Variants in USP34 observed in about 807,000 individuals in gnomAD.
USP34 encodes ubiquitin carboxyl-terminal hydrolase 34.
A neutral mutation model predicts 460.3 loss-of-function variants in USP34; 70 were observed. The ratio of observed to expected loss-of-function variants is 0.15; its 90% confidence interval spans 0.13 to 0.19. The LOEUF is 0.19. Among genes scored for constraint, USP34 ranks in the 10% least tolerant of loss-of-function variants. USP34 has a pLI of 1.00. For missense variants in USP34, 3,985 were observed against 4,236.2 expected (o/e 0.94, Z 1.65); for synonymous variants, 1,647 against 1,405.3 (o/e 1.17, Z -3.85).
At chr2:61,371,781 T>C (rs1221127915) in intron 8 of USP34, among the ~76,000 whole-genome samples, 1 of 152,202 alleles carries the variant, frequency 6.6e-6, no homozygotes, top group East Asian at 1.9e-4. Context: ...CCATTCTTGG[T>C]AAGCGTCCTA....
intron 30 of USP34, among the ~76,000 whole-genome samples, chr2:61,296,480 A>T (rs6545854): frequency 0.029 from 4,413 of 152,248 alleles, 221 homozygotes; most frequent in African/African-American, 0.1. Context: ...ATTTTCTCTA[A>T]ACATTACTTT....
chr2:61,198,725 C>T (rs986992466), intron 75 of USP34, among the ~76,000 whole-genome samples: 23 of 151,938 alleles, frequency 1.5e-4, no homozygotes, highest in African/African-American at 5.3e-4. Flanking sequence ...AAAAATTAGC[C>T]GGGTGTGGTG....
chr2:61,240,445 AT>A (rs1178334663), intron 53 of USP34, among the ~76,000 whole-genome samples: 10 of 152,076 alleles, frequency 6.6e-5, no homozygotes, highest in Non-Finnish European at 1.3e-4. Flanking sequence ...TGCCCAGCTA[AT>A]TCTTTGTATT....
At chr2:61,369,695 T>A (rs1692553184) in intron 10 of USP34, among the ~76,000 whole-genome samples, 1 of 128,824 alleles carries the variant, frequency 7.8e-6, no homozygotes, top group African/African-American at 2.9e-5. Flanking sequence ...TTAAACACTA[T>A]ACAGTTTTAC....
chr2:61,440,364 G>A (rs1281339902), intron 1 of USP34, among the ~76,000 whole-genome samples: 3 of 152,120 alleles, frequency 2.0e-5, no homozygotes, highest in African/African-American at 7.2e-5. Context: ...GCAGGTCAAT[G>A]GCTGCTGTAT....
intron 3 of USP34, among the ~76,000 whole-genome samples, chr2:61,404,639 A>C (rs1693816261): frequency 6.6e-6 from 1 of 152,128 alleles, no homozygotes. Flanking sequence ...AACAGCCACT[A>C]CCAACTGCCA....
At chr2:61,237,324 T>C (rs1688096783) in intron 53 of USP34, among the ~76,000 whole-genome samples, 1 of 152,160 alleles carries the variant, frequency 6.6e-6, no homozygotes, top group Non-Finnish European at 1.5e-5. Context: ...AAACTCTGGA[T>C]TCCAGCCATG....
intron 23 of USP34, among the ~76,000 whole-genome samples, 195 bp from the exon 24 acceptor site, chr2:61,315,169 A>G (rs1054576002): frequency 6.6e-6 from 1 of 152,238 alleles, no homozygotes; most frequent in African/African-American, 2.4e-5. Context: ...TATACAGCAG[A>G]TAACAATATA....
intron 33 of USP34, among the ~76,000 whole-genome samples, chr2:61,290,314 T>C (rs775659548): frequency 5.3e-5 from 8 of 152,136 alleles, no homozygotes; most frequent in Non-Finnish European, 8.8e-5. Context: ...ACTTACCATA[T>C]TATTTAGCAA....
chr2:61,445,153 C>T (rs1573049101), intron 1 of USP34, among the ~76,000 whole-genome samples: 1 of 138,992 alleles, frequency 7.2e-6, no homozygotes, highest in South Asian at 2.2e-4. Flanking sequence ...TTGTCAACAG[C>T]AGAACCACAC....
intron 8 of USP34, among the ~76,000 whole-genome samples, chr2:61,375,839 TG>T (rs1303730204): frequency 1.3e-5 from 2 of 150,396 alleles, no homozygotes; most frequent in Non-Finnish European, 3.0e-5. Context: ...TGATCAAGTG[TG>T]GTATATCTAT....
intron 10 of USP34, among the ~76,000 whole-genome samples, chr2:61,355,364 C>T (rs1012764096): frequency 1.3e-5 from 2 of 152,100 alleles, no homozygotes; most frequent in Non-Finnish European, 2.9e-5. Context: ...TTATTTTCCA[C>T]ATGATTTAAA....
chr2:61,282,313 A>AT (rs1306208268), intron 37 of USP34, among the ~76,000 whole-genome samples: 5 of 152,212 alleles, frequency 3.3e-5, no homozygotes, highest in Admixed American at 1.3e-4. Context: ...CAGGTTTAAA[A>AT]AATAAGTGAC....
At chr2:61,255,905 C>T (rs1688712374) in intron 48 of USP34, among the ~76,000 whole-genome samples, 1 of 152,172 alleles carries the variant, frequency 6.6e-6, no homozygotes, top group Admixed American at 6.5e-5. Flanking sequence ...GGCAAGAATA[C>T]TGAGCTTCAT....
intron 72 of USP34, among the ~76,000 whole-genome samples, chr2:61,204,922 T>C (rs569071612): frequency 3.3e-5 from 5 of 152,100 alleles, no homozygotes; most frequent in Non-Finnish European, 7.4e-5. Flanking sequence ...AGTGGTGCAA[T>C]CAGCTCACTA....
rs777429340 is a variant in USP34, at chr2:61,281,982, ATTTTGTTTTG to A, written c.4999-750_4999-741del. 9.2e-5 allele frequency among the ~76,000 whole-genome samples: 14 copies of A among 152,108 alleles called. No homozygotes were observed. The East Asian group carries it at 2.7e-3, about 29-fold the overall frequency. ...ACAAATGACATTATATCCAGAACTAATTTTGTTTTGTTTTGTTTTGTTTTTAAGACAGAGT... is the reference window on the plus strand; with the variant it reads ...ACAAATGACATTATATCCAGAACTAATTTTGTTTTGTTTTTAAGACAGAGT... On this transcript the variant is annotated intron_variant, in intron 37 of 79. Transcript: ENST00000398571.
chr2:61,297,883 G>A (rs1690083917), intron 29 of USP34, among the ~76,000 whole-genome samples: 1 of 152,190 alleles, frequency 6.6e-6, no homozygotes, highest in South Asian at 2.1e-4. Flanking sequence ...AAAGTTTCAA[G>A]GTAAATTTGG....
chr2:61,202,881 C>T (rs1003877627), intron 75 of USP34, among the ~76,000 whole-genome samples: 2 of 152,032 alleles, frequency 1.3e-5, no homozygotes, highest in Non-Finnish European at 2.9e-5. Context: ...AGGATGTGGG[C>T]TTCTATGTAC....
In USP34 at chr2:61,241,529, A is replaced by T. The variant is rs775861634; in HGVS notation, c.6777+31T>A. On this transcript the variant is annotated intron_variant, in intron 53 of 79. Coordinates refer to ENST00000398571, the MANE Select transcript of USP34 (RefSeq NM_014709.4). ...TTGCATAAACACTTAACATATTTTT[A>T]AAATGTTGCTCAAATGAAATTAACT... 7.9e-6 allele frequency: 12 copies of T among 1,517,256 alleles called. No individual in the cohort carries two copies. In the East Asian group the frequency reaches 2.7e-4, roughly 34 times the overall value. 94.0% of individuals were successfully genotyped at this position (1,517,256 alleles called of 1,614,324 possible).
Sources: gnomAD v4.1 joint callset for allele counts (sites outside exome capture counted in the v4.1 genomes callset) on GRCh38, gnomAD v4.1.1 for gene constraint, MANE v1.5 for transcripts, NCBI Gene and HGNC (gene_info 2026-07-23, HGNC 2026-07-21) for gene names.